The following P2RX2 variants were observed in gnomAD, a reference collection of about 807,000 sequenced individuals.
P2RX2 encodes P2X purinoceptor 2.
A neutral mutation model predicts 54.8 loss-of-function variants in P2RX2; 50 were observed. The observed-to-expected ratio is 0.91, with a 90% CI of 0.73 to 1.15. The LOEUF is 1.15. Ranked by LOEUF, P2RX2 falls within the 50% of genes most tolerant of loss-of-function variation. The probability of loss-of-function intolerance (pLI) is 0.00; values close to 1 mark genes in which losing one functional copy is unlikely to be tolerated. For synonymous variants in P2RX2, 289 were observed against 259.4 expected (o/e 1.11, Z -1.09); for missense variants, 658 against 633.2 (o/e 1.04, Z -0.42).
Position 132,622,035 on chromosome 12 carries a change from G to A in P2RX2, c.*63G>A, listed in dbSNP as rs1277143656. On this transcript the variant is annotated 3_prime_UTR_variant, in exon 11 of 11. Coordinates refer to ENST00000643471, the MANE Select transcript of P2RX2 (RefSeq NM_170682.4). ...GTGGGGCCAGAGAGTCCCCAGCTAG[G>A]GACCTGCACGTGGACGTGGGCACCT... 3 of 1,604,296 alleles carry A rather than the reference G, an allele frequency of 1.9e-6. No homozygotes were observed. The highest frequency in any genetic ancestry group is 2.7e-5 in the African/African-American group (2 of 74,662).
In P2RX2 at chr12:132,621,265, T is replaced by A. The variant is rs1443480855; in HGVS notation, c.916T>A (p.Tyr306Asn). ...GCGTTCCCATTGCAGGTTTGCCAAA[T>A]ACTACAAGATCAATGGCACCACCAC... Reference protein sequence around the residue: ...SSGYNFRFAKYYKINGTTTRT... With the variant: ...SSGYNFRFAKNYKINGTTTRT... The change falls in exon 9 of 11, where the codon TAC becomes AAC. Residue 306 changes from tyrosine to asparagine, a missense_variant. Tyr to Asn is a moderately radical substitution (Grantham distance 143, BLOSUM62 -2). Transcript: ENST00000643471. The A allele has an allele frequency of 1.9e-6, 3 of 1,613,744 alleles. No individual in the cohort carries two copies. The highest frequency in any genetic ancestry group is 2.7e-5 in the African/African-American group (2 of 74,844).
intron 7 of P2RX2, 102 bp from the exon 8 acceptor site, chr12:132,620,899 G>A (rs1221068519): frequency 5.0e-6 from 3 of 596,212 alleles, no homozygotes; most frequent in Non-Finnish European, 7.5e-6. Context: ...GGGGCCTCTC[G>A]TGTGCCCTTG....
intron 2 of P2RX2, 38 bp from the exon 3 acceptor site, chr12:132,619,641 C>T: frequency 6.3e-7 from 1 of 1,583,988 alleles, no homozygotes; most frequent in Non-Finnish European, 8.6e-7. Flanking sequence ...GGGGCAGCGG[C>T]TGCCGCCTGG....
Position 132,622,051 on chromosome 12 carries a change from G to A in P2RX2, c.*79G>A, listed in dbSNP as rs1173162354. 3.4e-5 allele frequency: 55 copies of A among 1,595,388 alleles called. No homozygotes were observed. Among genetic ancestry groups the A allele is most frequent in the East Asian group, 1.1e-4 (5 of 44,818 alleles). The stretch of plus-strand genomic sequence containing the variant: ...CCCAGCTAGGGACCTGCACGTGGAC[G>A]TGGGCACCTCAGTAGCGGAGCATCT... On this transcript the variant is annotated 3_prime_UTR_variant, in exon 11 of 11. Coordinates refer to ENST00000643471, the MANE Select transcript of P2RX2 (RefSeq NM_170682.4).
At chr12:132,620,871 AC>A in intron 7 of P2RX2, 129 bp from the exon 8 acceptor site, 5 of 983,022 alleles carry the variant, frequency 5.1e-6, no homozygotes, top group African/African-American at 2.2e-5. Flanking sequence ...GCAGCCTGGG[AC>A]TGACCCGGGC....
intron 2 of P2RX2, 27 bp from the exon 3 acceptor site, chr12:132,619,652 C>T (rs773820172): frequency 6.3e-6 from 10 of 1,581,274 alleles, no homozygotes; most frequent in Admixed American, 1.8e-5. Context: ...TGCCGCCTGG[C>T]CGACCGCCCC....
rs757748091 is a variant in P2RX2 at position 132,621,242 on chromosome 12, G to A, written c.906-13G>A. On this transcript the variant is annotated splice_polypyrimidine_tract_variant and intron_variant, in intron 8 of 10. Transcript: ENST00000643471. The stretch of plus-strand genomic sequence containing the variant: ...GTGCAGAGGACGAGTGGGCACTGGC[G>A]TTCCCATTGCAGGTTTGCCAAATAC... 13 of 1,613,828 alleles carry A rather than the reference G, an allele frequency of 8.1e-6. No individual in the cohort carries two copies. The highest frequency in any genetic ancestry group is 6.7e-5 in the East Asian group (3 of 44,876).
chr12:132,619,954 G>GGGGC, intron 4 of P2RX2, 35 bp downstream of exon 4: 6 of 1,262,174 alleles, frequency 4.8e-6, no homozygotes, highest in Non-Finnish European at 6.8e-6. Context: ...GGCGGGTGGG[G>GGGGC]CAGGGCTGCG....
chr12:132,621,866 G>T lies in P2RX2; in HGVS notation c.1310G>T (p.Arg437Leu). 6.2e-7 allele frequency: 1 copy of T among 1,613,244 alleles called. No homozygotes were observed. The highest frequency in any genetic ancestry group is 1.3e-5 in the African/African-American group (1 of 75,038). The stretch of plus-strand genomic sequence containing the variant: ...TGTGGCCCAGCCTTCCCGCCCCTGC[G>T]GCCTTGCCCCATCTCTGCCCCTTCT... ...AECGPAFPPL[R>L]PCPISAPSEQ... The change falls in exon 11 of 11, where the codon CGG (arginine) becomes CTG (leucine). Residue 437 changes from arginine to leucine, a missense_variant. Coordinates refer to ENST00000643471, the MANE Select transcript of P2RX2 (RefSeq NM_170682.4).
At chr12:132,621,409 C>T (rs2041676231) in intron 9 of P2RX2, 64 bp downstream of exon 9, 1 of 1,604,210 alleles carries the variant, frequency 6.2e-7, no homozygotes, top group African/African-American at 1.3e-5. Flanking sequence ...TCCTCACGCC[C>T]CACCCCTCCC....
At chr12:132,619,978 C>T (rs770745948) in intron 4 of P2RX2, 22 bp from the exon 5 acceptor site, 12 of 1,577,876 alleles carry the variant, frequency 7.6e-6, no homozygotes, top group African/African-American at 6.7e-5. Flanking sequence ...CCGCTAATGC[C>T]TCAGTGACCT....
At chr12:132,620,636 G>C in intron 7 of P2RX2, 53 bp downstream of exon 7, 2 of 1,588,120 alleles carry the variant, frequency 1.3e-6, no homozygotes, top group Non-Finnish European at 8.6e-7. Flanking sequence ...CCTGCACAGA[G>C]AGGGCCTGGG....
chr12:132,620,418 A>G (rs369571659), intron 6 of P2RX2, 27 bp from the exon 7 acceptor site: 164 of 1,613,952 alleles, frequency 1.0e-4, no homozygotes, highest in Non-Finnish European at 1.3e-4. Context: ...TTTGGGGTGC[A>G]GGTCTCGCCT....
chr12:132,620,371 C>T (rs533017805), intron 6 of P2RX2, 24 bp downstream of exon 6: 112 of 1,613,398 alleles, frequency 6.9e-5, no homozygotes, highest in Admixed American at 3.3e-4. Context: ...GGTGTGGTGA[C>T]GGCCCAGCCT....
At chr12:132,619,092 ACCGGG>A (rs2041508230) in intron 1 of P2RX2, 103 bp downstream of exon 1, 1 of 50,856 alleles carries the variant, frequency 2.0e-5, no homozygotes, top group Admixed American at 6.4e-4. Context: ...TGGGGCTGGG[ACCGGG>A]GGCGCGGGGC....
At chr12:132,619,954 G>GGGGGGGGGGGGGGGGGGGGC in intron 4 of P2RX2, 35 bp downstream of exon 4, 1 of 1,262,160 alleles carries the variant, frequency 7.9e-7, no homozygotes, top group Non-Finnish European at 1.1e-6. Context: ...GGCGGGTGGG[G>GGGGGGGGGGGGGGGGGGGGC]CAGGGCTGCG....
At chr12:132,620,170 G>A in intron 5 of P2RX2, 74 bp downstream of exon 5, 1 of 1,504,328 alleles carries the variant, frequency 6.6e-7, no homozygotes, top group South Asian at 1.2e-5. Flanking sequence ...CAAACGGGCG[G>A]GGCAGGAGTG....
In P2RX2 at chr12:132,620,287, C is replaced by A; in HGVS notation, c.575C>A (p.Ala192Asp). ...ASVSQFLGTMAPNFTILIKNS... is the reference protein window; with the variant it reads ...ASVSQFLGTMDPNFTILIKNS... The stretch of plus-strand genomic sequence containing the variant: ...CTCAGCCAATTTCTGGGTACGATGG[C>A]CCCAAATTTCACCATCCTCATCAAG... Residue 192 changes from alanine to aspartate, a missense_variant, in exon 6 of 11, where the codon GCC becomes GAC. Ala to Asp is a moderately radical substitution (Grantham distance 126). Coordinates refer to ENST00000643471, the MANE Select transcript of P2RX2 (RefSeq NM_170682.4). The A allele has an allele frequency of 1.2e-6, 2 of 1,613,918 alleles. No individual in the cohort carries two copies. Among genetic ancestry groups the A allele is most frequent in the Non-Finnish European group, 1.7e-6 (2 of 1,179,780 alleles).
Position 132,620,042 on chromosome 12 carries a change from C to T in P2RX2, c.500C>T (p.Ser167Phe). 1.3e-6 allele frequency: 2 copies of T among 1,590,392 alleles called. No homozygotes were observed. Among genetic ancestry groups the T allele is most frequent in the African/African-American group, 1.3e-5 (1 of 74,736 alleles). The change falls in exon 5 of 11, where the codon TCC becomes TTC. Residue 167 changes from serine (S) to phenylalanine (F), a missense_variant. Ser to Phe is a radical substitution (Grantham distance 155). Coordinates refer to ENST00000643471, the MANE Select transcript of P2RX2 (RefSeq NM_170682.4). The part of the protein sequence containing the change: ...GRCVPYYQGP[S>F]KTCEVFGWCP... ...TGTGTGCCCTATTACCAGGGGCCCT[C>T]CAAGACCTGCGAGGTGTTCGGCTGG...
Sources: gnomAD v4.1 joint callset for allele counts on GRCh38, gnomAD v4.1.1 for gene constraint, MANE v1.5 for transcripts, NCBI Gene and HGNC (gene_info 2026-07-23, HGNC 2026-07-21) for gene names.